Variants in XXYLT1 observed in about 807,000 individuals in gnomAD.
XXYLT1 encodes the protein UDP-xylose:alpha-xyloside alpha-1,3-xylosyltransferase.
XXYLT1 carries 20 observed loss-of-function variants against 28.9 expected under a neutral mutation model. The observed-to-expected ratio is 0.69, with a 90% CI of 0.49 to 1.00. The LOEUF is 1.00. Among genes scored for constraint, XXYLT1 ranks in the 50% least tolerant of loss-of-function variants. The pLI, the probability that XXYLT1 is intolerant of heterozygous loss-of-function variation, is 0.00. For missense variants in XXYLT1, 542 were observed against 560.1 expected (o/e 0.97, Z 0.33); for synonymous variants, 257 against 253.8 (o/e 1.01, Z -0.12).
chr3:195,140,268 G>A (rs1365711015), intron 3 of XXYLT1, among the ~76,000 whole-genome samples: 1 of 152,162 alleles, frequency 6.6e-6, no homozygotes, highest in East Asian at 1.9e-4. Context: ...CTCAAAATTA[G>A]CAAATTAGTC....
chr3:195,231,143 A>C (rs1025764710), intron 1 of XXYLT1, among the ~76,000 whole-genome samples: 1 of 152,092 alleles, frequency 6.6e-6, no homozygotes, highest in African/African-American at 2.4e-5. Context: ...TATAAATGGA[A>C]TTACTTTCTT....
intron 1 of XXYLT1, among the ~76,000 whole-genome samples, chr3:195,227,193 CT>C (rs561385152): frequency 8.3e-4 from 126 of 152,290 alleles, no homozygotes; most frequent in African/African-American, 3.0e-3. Context: ...CTGGGCCCCC[CT>C]GAAGGTAGCT....
In XXYLT1 at chr3:195,270,969, G is replaced by T; in HGVS notation, c.90C>A (p.Ala30=). The stretch of plus-strand genomic sequence containing the variant: ...AGAAGGCGCAGACGGCCAGCGCCGC[G>T]GCCAGCAGCAGGGCGCAGTAGTGGG... ...VRSHYCALLL[A]AALAVCAFYY... Residue 30 remains alanine, a synonymous_variant, in exon 1 of 4, where the codon GCC becomes GCA. Transcript: ENST00000310380. 5.4e-6 allele frequency: 8 copies of T among 1,488,188 alleles called. No homozygotes were observed. Among genetic ancestry groups the T allele is most frequent in the Non-Finnish European group, 6.2e-6 (7 of 1,122,292 alleles). 92.2% of individuals were successfully genotyped at this position (1,488,188 alleles called of 1,614,324 possible).
chr3:195,252,525 A>C (rs1004915246), intron 1 of XXYLT1, among the ~76,000 whole-genome samples: 1 of 152,102 alleles, frequency 6.6e-6, no homozygotes, highest in Non-Finnish European at 1.5e-5. Context: ...TAGCAGGAAA[A>C]ATTCTTTATA....
intron 3 of XXYLT1, among the ~76,000 whole-genome samples, chr3:195,151,611 G>C (rs947698970): frequency 1.3e-5 from 2 of 151,226 alleles, no homozygotes; most frequent in African/African-American, 2.4e-5. Context: ...TAATTGTTTA[G>C]ATAAACAATA....
intron 1 of XXYLT1, among the ~76,000 whole-genome samples, chr3:195,237,018 G>A (rs1379585492): frequency 2.0e-5 from 3 of 152,142 alleles, no homozygotes; most frequent in Non-Finnish European, 2.9e-5. Context: ...GAAGGAGGGG[G>A]TCTCTTTTGG....
chr3:195,089,046 C>T (rs1169333896), intron 3 of XXYLT1, among the ~76,000 whole-genome samples: 1 of 151,980 alleles, frequency 6.6e-6, no homozygotes, highest in Non-Finnish European at 1.5e-5. Context: ...AAATCTACGT[C>T]TGATTGGTGT....
intron 2 of XXYLT1, among the ~76,000 whole-genome samples, chr3:195,198,614 A>G (rs1722724050): frequency 6.6e-6 from 1 of 152,234 alleles, no homozygotes; most frequent in Non-Finnish European, 1.5e-5. Context: ...AATTCAATTA[A>G]TGTTCACAAA....
intron 1 of XXYLT1, among the ~76,000 whole-genome samples, chr3:195,228,486 C>CTTTTTT (rs897820464): frequency 7.5e-5 from 9 of 120,176 alleles, no homozygotes; most frequent in East Asian, 2.5e-4. Context: ...CTATATTTCA[C>CTTTTTT]TTTTTTTTTT....
intron 1 of XXYLT1, among the ~76,000 whole-genome samples, chr3:195,227,902 A>T (rs377369007): frequency 1.3e-5 from 2 of 152,222 alleles, no homozygotes; most frequent in South Asian, 2.1e-4. Flanking sequence ...AGAAGATGAG[A>T]AGTATGGCCC....
At chr3:195,249,279 A>C (rs1725157509) in intron 1 of XXYLT1, among the ~76,000 whole-genome samples, 1 of 152,178 alleles carries the variant, frequency 6.6e-6, no homozygotes, top group African/African-American at 2.4e-5. Flanking sequence ...CTGTAACTTC[A>C]AAAGGTTACA....
chr3:195,179,132 G>A (rs1036377186), intron 2 of XXYLT1, among the ~76,000 whole-genome samples: 7 of 152,028 alleles, frequency 4.6e-5, no homozygotes, highest in African/African-American at 1.2e-4. Flanking sequence ...ATGAGGTCAG[G>A]AGATCAAGAC....
Position 195,256,355 on chromosome 3 carries a change from G to A in XXYLT1, c.504+14200C>T. On this transcript the variant is annotated intron_variant, in intron 1 of 3. Transcript: ENST00000310380. The surrounding 1 kb of genome is among the most constrained non-coding windows in gnomAD (Gnocchi z 4.2). ...GTGGCAACTGTGGCTCATTGACGGTGACGATAAACCTGAGACAGCTCTGGT... is the reference window on the plus strand; with the variant it reads ...GTGGCAACTGTGGCTCATTGACGGTAACGATAAACCTGAGACAGCTCTGGT... The A allele has an allele frequency of 2.3e-6, 1 of 444,362 alleles. No individual in the cohort carries two copies. The highest frequency in any genetic ancestry group is 3.0e-6 in the Non-Finnish European group (1 of 335,656). 27.5% of individuals were successfully genotyped at this position (444,362 alleles called of 1,614,324 possible).
chr3:195,270,113 T>C (rs925451851), intron 1 of XXYLT1: 3 of 346,072 alleles, frequency 8.7e-6, no homozygotes, highest in South Asian at 2.2e-5. Flanking sequence ...GAAGTGTCAC[T>C]GCAACTTCAA....
chr3:195,191,749 TACA>T (rs1463209532), intron 2 of XXYLT1, among the ~76,000 whole-genome samples: 2 of 152,216 alleles, frequency 1.3e-5, no homozygotes, highest in African/African-American at 4.8e-5. Flanking sequence ...CAACAGACTT[TACA>T]ACAAGATCAT....
chr3:195,194,742 C>T (rs1722556155), intron 2 of XXYLT1, among the ~76,000 whole-genome samples: 1 of 152,128 alleles, frequency 6.6e-6, no homozygotes, highest in Non-Finnish European at 1.5e-5. Flanking sequence ...GAATAAATGA[C>T]TGATACATGC....
Position 195,133,555 on chromosome 3 carries a change from G to A in XXYLT1, c.785+22894C>T, listed in dbSNP as rs919678200. On this transcript the variant is annotated intron_variant, in intron 3 of 3. Coordinates refer to ENST00000310380, the MANE Select transcript of XXYLT1 (RefSeq NM_152531.5). The surrounding 1 kb of genome is among the most constrained non-coding windows in gnomAD (Gnocchi z 4.4). ...AAGAAAACTAGATGTTCAGCTTCCA[G>A]CATGATAAACATTTCATATTTGAGT... Among the ~76,000 whole-genome samples, 65 of 152,184 alleles carry A rather than the reference G, an allele frequency of 4.3e-4. No individual in the cohort carries two copies. Among genetic ancestry groups the A allele is most frequent in the African/African-American group, 1.5e-3 (64 of 41,436 alleles).
rs1053203522 is a variant in XXYLT1, at chr3:195,259,710, G to A, written c.504+10845C>T. 3 of 981,434 alleles carry A rather than the reference G, an allele frequency of 3.1e-6. No homozygotes were observed. In the African/African-American group the frequency reaches 5.3e-5, roughly 17 times the overall value. The allele number at this position is 981,434 out of a possible 1,614,324, so 60.8% of individuals were successfully genotyped here. A position where few individuals can be genotyped will look rare whatever the true frequency, so the allele number is the denominator to read the frequency against. ...GCGCCAGGGACAGACCCAGCACCAGGGCGGCCCCCGGAGCCGGCCTCTGGC... is the reference window on the plus strand; with the variant it reads ...GCGCCAGGGACAGACCCAGCACCAGAGCGGCCCCCGGAGCCGGCCTCTGGC... On this transcript the variant is annotated intron_variant, in intron 1 of 3. Transcript: ENST00000310380.
chr3:195,094,669 C>G (rs1328115758), intron 3 of XXYLT1: 1 of 153,860 alleles, frequency 6.5e-6, no homozygotes, highest in Non-Finnish European at 1.5e-5. Flanking sequence ...TGCGGGTGCT[C>G]GAGGCCTGTG....
Sources: gnomAD v4.1 joint callset for allele counts (sites outside exome capture counted in the v4.1 genomes callset) on GRCh38, gnomAD v4.1.1 for gene constraint, Gnocchi (gnomAD v3.1) non-coding constraint, MANE v1.5 for transcripts, NCBI Gene and HGNC (gene_info 2026-07-23, HGNC 2026-07-21) for gene names.